The following GRM3 variants were observed in gnomAD, a reference collection of about 807,000 sequenced individuals.
GRM3 encodes the protein metabotropic glutamate receptor 3.
Under a neutral mutation model 70.5 loss-of-function variants are expected in GRM3, and 26 were observed. The observed-to-expected ratio is 0.37, with a 90% CI of 0.27 to 0.51. GRM3 has a LOEUF of 0.51. GRM3 is among the 20% of genes least tolerant of loss of function. GRM3 has a pLI of 0.93. For synonymous variants in GRM3, 443 were observed against 434.9 expected, an observed-to-expected ratio of 1.02 and a Z score of -0.23; for missense variants, 859 against 1,123.8, an observed-to-expected ratio of 0.76 and a Z score of 3.37.
At chr7:86,686,883 G>T (rs1017063195) in intron 1 of GRM3, among the ~76,000 whole-genome samples, 1 of 151,976 alleles carries the variant, frequency 6.6e-6, no homozygotes, top group South Asian at 2.1e-4. Flanking sequence ...ATAGAGGAAA[G>T]AATGGAATTT....
intron 1 of GRM3, among the ~76,000 whole-genome samples, chr7:86,699,509 T>G (rs1794902454): frequency 6.6e-6 from 1 of 152,054 alleles, no homozygotes; most frequent in African/African-American, 2.4e-5. Context: ...ACACTAGTCA[T>G]AAGAAGCAAG....
intron 3 of GRM3, among the ~76,000 whole-genome samples, chr7:86,787,622 A>G (rs1797292932): frequency 6.6e-6 from 1 of 152,354 alleles, no homozygotes; most frequent in East Asian, 1.9e-4. Context: ...AACAGAAAAG[A>G]TACCCAGACC....
intron 3 of GRM3, among the ~76,000 whole-genome samples, chr7:86,812,150 C>T (rs1023533786): frequency 3.5e-4 from 53 of 151,630 alleles, no homozygotes; most frequent in African/African-American, 1.2e-3. Flanking sequence ...TTATGTACCC[C>T]ATTATGAGAG....
At chr7:86,851,709 T>C (rs564040973) in intron 5 of GRM3, among the ~76,000 whole-genome samples, 1 of 152,124 alleles carries the variant, frequency 6.6e-6, no homozygotes, top group South Asian at 2.1e-4. Context: ...TGAGAGCACA[T>C]GTTCATGGAT....
intron 1 of GRM3, among the ~76,000 whole-genome samples, chr7:86,763,080 C>T (rs1796518785): frequency 6.6e-6 from 1 of 152,116 alleles, no homozygotes; most frequent in Admixed American, 6.6e-5. Context: ...TGAGATTGTG[C>T]ATTAGAGTGT....
At position 86,786,018 on chromosome 7, in the gene GRM3, T is replaced by C. The variant is rs564640424; in HGVS notation, c.469-243T>C. 14 of 487,014 alleles carry C rather than the reference T, an allele frequency of 2.9e-5. No homozygotes were observed. Among genetic ancestry groups the C allele is most frequent in the Non-Finnish European group, 4.5e-5 (12 of 266,062 alleles). The allele number at this position is 487,014 out of a possible 1,614,324, so 30.2% of individuals were successfully genotyped here. A position where few individuals can be genotyped will look rare whatever the true frequency, so the allele number is the denominator to read the frequency against. Reference sequence around the variant, plus strand: ...TATAGAAGAGAGTGTGGTGCCCTTCTCATTTCTCTACTCTGCCCTTTCCTG... The same window carrying C: ...TATAGAAGAGAGTGTGGTGCCCTTCCCATTTCTCTACTCTGCCCTTTCCTG... On this transcript the variant is annotated intron_variant, in intron 2 of 5. Transcript: ENST00000361669. This position sits in a 1 kb window ranked among gnomAD's most constrained non-coding sequence, Gnocchi z 6.0.
chr7:86,836,256 C>T (rs1054663066), intron 3 of GRM3, among the ~76,000 whole-genome samples: 2 of 151,980 alleles, frequency 1.3e-5, no homozygotes, highest in South Asian at 4.2e-4. Flanking sequence ...TTTTAAAGAA[C>T]CTACGCTTTG....
chr7:86,694,660 G>T (rs1237358684), intron 1 of GRM3, among the ~76,000 whole-genome samples: 1 of 151,876 alleles, frequency 6.6e-6, no homozygotes, highest in Admixed American at 6.6e-5. Context: ...TATATAAAAG[G>T]TATTAAATAC....
At chr7:86,794,126 T>C (rs1797492365) in intron 3 of GRM3, among the ~76,000 whole-genome samples, 1 of 152,160 alleles carries the variant, frequency 6.6e-6, no homozygotes, top group Admixed American at 6.6e-5. Flanking sequence ...ACCTTATCTA[T>C]GTCCCTTTCA....
intron 1 of GRM3, among the ~76,000 whole-genome samples, chr7:86,726,795 A>G (rs1437483480): frequency 6.6e-6 from 1 of 152,210 alleles, no homozygotes. Context: ...TTGCCAATTA[A>G]TACAGTCACT....
chr7:86,818,264 T>G (rs2299225), intron 3 of GRM3, among the ~76,000 whole-genome samples: 3,683 of 152,148 alleles, frequency 0.024, 75 homozygotes, highest in East Asian at 0.062. Context: ...GTCTCTACCT[T>G]CAAGCCAACT....
At chr7:86,659,419 G>A (rs1371853361) in intron 1 of GRM3, among the ~76,000 whole-genome samples, 2 of 152,080 alleles carry the variant, frequency 1.3e-5, no homozygotes, top group African/African-American at 2.4e-5. Flanking sequence ...CTATTTTATG[G>A]AAGAGGAAAG....
At chr7:86,698,075 A>G (rs1794858519) in intron 1 of GRM3, among the ~76,000 whole-genome samples, 1 of 152,154 alleles carries the variant, frequency 6.6e-6, no homozygotes, top group Non-Finnish European at 1.5e-5. Context: ...TTCATGGGCA[A>G]GGAATTAAAC....
chr7:86,644,765 T>A lies in GRM3; in HGVS notation c.-248T>A. 1 of 1,285,042 alleles carries A rather than the reference T, an allele frequency of 7.8e-7. No homozygotes were observed. The highest frequency in any genetic ancestry group is 1.0e-6 in the Non-Finnish European group (1 of 984,502). The allele number at this position is 1,285,042 out of a possible 1,614,324, so 79.6% of individuals were successfully genotyped here. ...GACAAAGCCAGTAAGCTACCTCTTTTGTGTCGGATGAGGAGGACCAACCAT... is the reference window on the plus strand; with the variant it reads ...GACAAAGCCAGTAAGCTACCTCTTTAGTGTCGGATGAGGAGGACCAACCAT... On this transcript the variant is annotated 5_prime_UTR_variant, in exon 1 of 6. Transcript: ENST00000361669.
intron 2 of GRM3, among the ~76,000 whole-genome samples, chr7:86,771,109 C>G (rs1481795323): frequency 6.6e-6 from 1 of 151,970 alleles, no homozygotes; most frequent in African/African-American, 2.4e-5. Flanking sequence ...AGGAAATAGC[C>G]TGGAAGGAGA....
At chr7:86,822,844 G>C (rs1056392134) in intron 3 of GRM3, among the ~76,000 whole-genome samples, 21 of 152,180 alleles carry the variant, frequency 1.4e-4, no homozygotes, top group African/African-American at 5.1e-4. Context: ...GACTCACAAA[G>C]TAGATTGTCT....
rs1356446603 is a variant in GRM3 at position 86,842,895 on chromosome 7, G to T, written c.2391+2990G>T. 3.9e-5 allele frequency among the ~76,000 whole-genome samples: 6 copies of T among 152,258 alleles called. 1 individual carries two copies. Among genetic ancestry groups the T allele is most frequent in the South Asian group, 4.1e-4 (2 of 4,828 alleles). ...GATCTTTCCAGGATCACTTCTTGAA[G>T]ATGGGATTTTTACCCCGTAACCTTG... On this transcript the variant is annotated intron_variant, in intron 4 of 5. Transcript: ENST00000361669.
intron 1 of GRM3, among the ~76,000 whole-genome samples, chr7:86,694,310 G>A (rs989200184): frequency 1.3e-5 from 2 of 151,934 alleles, no homozygotes; most frequent in African/African-American, 4.8e-5. Context: ...CAGATCACGA[G>A]GTCAGGAGAT....
In GRM3 at chr7:86,819,944, G is replaced by A. The variant is rs4329208; in HGVS notation, c.1325-18895G>A. Among the ~76,000 whole-genome samples the A allele has an allele frequency of 3.9e-5, 6 of 152,128 alleles. 1 individual carries two copies. Among genetic ancestry groups the A allele is most frequent in the Non-Finnish European group, 8.8e-5 (6 of 68,008 alleles). On this transcript the variant is annotated intron_variant, in intron 3 of 5. Transcript: ENST00000361669. Reference sequence around the variant, plus strand: ...ATGGGGAAGACTCCGTGCTACCCTCGAATATATCCTTTCTACCTTTCCAAA... The same window carrying A: ...ATGGGGAAGACTCCGTGCTACCCTCAAATATATCCTTTCTACCTTTCCAAA...
Sources: allele counts gnomAD v4.1 joint callset (sites outside exome capture counted in the v4.1 genomes callset), GRCh38; gene constraint gnomAD v4.1.1; non-coding constraint Gnocchi (gnomAD v3.1); transcripts MANE v1.5; gene names NCBI Gene and HGNC (gene_info 2026-07-23, HGNC 2026-07-21).